ADGRV1: variants seen among roughly 807,000 people sequenced by gnomAD.
ADGRV1 encodes G-protein coupled receptor 98.
In ADGRV1, 359 loss-of-function variants were observed where a neutral mutation model predicts 596.2. The ratio of observed to expected loss-of-function variants is 0.60; its 90% CI spans 0.55 to 0.66. ADGRV1 has a LOEUF of 0.66. Among genes scored for constraint, ADGRV1 ranks in the 30% least tolerant of loss-of-function variants. The pLI is 0.00. For synonymous variants in ADGRV1, 2,681 were observed against 2,679.2 expected (o/e 1.00, Z -0.02); for missense variants, 7,274 against 7,575.6 (o/e 0.96, Z 1.48).
Position 90,840,948 on chromosome 5 carries a change from A to T in ADGRV1, c.16982A>T (p.Asp5661Val). 6.7e-7 allele frequency: 1 copy of T among 1,493,020 alleles called. No individual in the cohort carries two copies. The highest frequency in any genetic ancestry group is 8.9e-7 in the Non-Finnish European group (1 of 1,118,636). 92.5% of individuals were successfully genotyped at this position (1,493,020 alleles called of 1,614,324 possible). ...ATGAAAGTGGCCACAGAAAACACAGATGAACAACTCAGTGCCATGATGCAT... is the reference window on the plus strand; with the variant it reads ...ATGAAAGTGGCCACAGAAAACACAGTTGAACAACTCAGTGCCATGATGCAT... ...ISMKVATENTDEQLSAMMHLI... is the reference protein window; with the variant it reads ...ISMKVATENTVEQLSAMMHLI... The change falls in exon 78 of 90, where the codon GAT becomes GTT. Residue 5661 changes from aspartate (D) to valine (V), a missense_variant. Around this residue, in one of 5 missense-constraint regions of ADGRV1, gnomAD observed 1,874 missense variants for 1,970.2 expected, o/e 0.95. Coordinates refer to ENST00000405460, the MANE Select transcript of ADGRV1 (RefSeq NM_032119.4).
chr5:91,132,547 T>TAAAATAATCACACAAATATTGTTATA (rs1228746916), intron 87 of ADGRV1, among the ~76,000 whole-genome samples: 1 of 152,196 alleles, frequency 6.6e-6, no homozygotes, highest in East Asian at 1.9e-4. Context: ...AAGATTTGAA[T>TAAAATAATCACACAAATATTGTTATA]AAAATAATCA....
intron 84 of ADGRV1, among the ~76,000 whole-genome samples, chr5:90,983,078 CT>C (rs1334345907): frequency 1.3e-5 from 2 of 152,288 alleles, no homozygotes; most frequent in South Asian, 2.1e-4. Context: ...GGAAATACTT[CT>C]CTAGAGTATA....
rs116431828 is a variant in ADGRV1 at position 91,130,157 on chromosome 5, T to C, written c.18433-19873T>C. 4.4e-3 allele frequency among the ~76,000 whole-genome samples: 662 copies of C among 151,656 alleles called. 7 individuals carry two copies. Among genetic ancestry groups the C allele is most frequent in the African/African-American group, 0.015 (640 of 41,348 alleles). On this transcript the variant is annotated intron_variant, in intron 87 of 89. Transcript: ENST00000405460. Reference sequence around the variant, plus strand: ...GAAAAATTAAATAGGAAAAAAGGGATATTTCCATTCAGCTAAAGTCATCTG... The same window carrying C: ...GAAAAATTAAATAGGAAAAAAGGGACATTTCCATTCAGCTAAAGTCATCTG...
chr5:91,027,927 T>A (rs1784148553), intron 85 of ADGRV1, among the ~76,000 whole-genome samples: 1 of 152,158 alleles, frequency 6.6e-6, no homozygotes. Flanking sequence ...GACTTTCTTT[T>A]GTTGCTAAGG....
chr5:90,852,644 C>G (rs918684274), intron 79 of ADGRV1, among the ~76,000 whole-genome samples: 1 of 152,196 alleles, frequency 6.6e-6, no homozygotes, highest in Non-Finnish European at 1.5e-5. Flanking sequence ...TTAAAGCAAA[C>G]TTCCAAGTAA....
rs1168719263 is a variant in ADGRV1, at chr5:90,985,338, C to T, written c.17974-6C>T. On this transcript the variant is annotated splice_region_variant and splice_polypyrimidine_tract_variant and intron_variant, in intron 84 of 89. Coordinates refer to ENST00000405460, the MANE Select transcript of ADGRV1 (RefSeq NM_032119.4). The stretch of plus-strand genomic sequence containing the variant: ...CCTGTTCATTTTATGTTGTTTTCTT[C>T]CTTAGTCTGTGAATTTCTGGTACGT... The T allele has an allele frequency of 6.3e-7, 1 of 1,596,554 alleles. No individual in the cohort carries two copies. The highest frequency in any genetic ancestry group is 2.2e-5 in the East Asian group (1 of 44,638).
chr5:90,617,648 T>G (rs1056089199), intron 2 of ADGRV1, 156 bp from the exon 3 acceptor site: 2 of 601,162 alleles, frequency 3.3e-6, no homozygotes, highest in South Asian at 4.9e-5. Context: ...TTTTTTCAGT[T>G]GTTAAATATT....
Position 90,823,306 on chromosome 5 carries a change from G to GA in ADGRV1, c.16197-118dup, listed in dbSNP as rs146689602. The GA allele has an allele frequency of 0.016, 15,856 of 1,008,632 alleles. 230 individuals carry two copies. The highest frequency in any genetic ancestry group is 0.047 in the Middle Eastern group (198 of 4,232). The allele number at this position is 1,008,632 out of a possible 1,614,324, so 62.5% of individuals were successfully genotyped here. ...GTGGTAAAGTAAGTGCTATACTTTG[G>GA]ATGAAGAGGTACCATTTGGTATACT... On this transcript the variant is annotated intron_variant, in intron 75 of 89. Transcript: ENST00000405460.
chr5:90,990,960 A>C (rs1312916076), intron 85 of ADGRV1, among the ~76,000 whole-genome samples: 1 of 151,898 alleles, frequency 6.6e-6, no homozygotes, highest in Non-Finnish European at 1.5e-5. Flanking sequence ...TAGGGAGGGG[A>C]AAAGAGAATA....
At chr5:90,881,367 T>C (rs548525777) in intron 83 of ADGRV1, among the ~76,000 whole-genome samples, 1 of 152,348 alleles carries the variant, frequency 6.6e-6, no homozygotes, top group East Asian at 1.9e-4. Flanking sequence ...TATGACCCTG[T>C]TAGCTTGACA....
intron 89 of ADGRV1, among the ~76,000 whole-genome samples, chr5:91,155,289 A>C (rs942635693): frequency 2.0e-5 from 3 of 152,176 alleles, no homozygotes; most frequent in African/African-American, 7.2e-5. Flanking sequence ...GAATGGAGGA[A>C]AGGGCATTAG....
intron 83 of ADGRV1, among the ~76,000 whole-genome samples, chr5:90,902,990 T>C (rs1474514867): frequency 6.6e-6 from 1 of 152,152 alleles, no homozygotes; most frequent in Non-Finnish European, 1.5e-5. Context: ...AAAATTGACA[T>C]CTTATGGTAG....
chr5:90,645,960 T>A lies in ADGRV1; in HGVS notation c.2899-8T>A, dbSNP rs762847553. On this transcript the variant is annotated splice_polypyrimidine_tract_variant and splice_region_variant and intron_variant, in intron 15 of 89. Coordinates refer to ENST00000405460, the MANE Select transcript of ADGRV1 (RefSeq NM_032119.4). ...CACCTGACTTAAAACGTGTAACATTTTCCAAAGATTCCAGAAGAAATGGAA... is the reference window on the plus strand; with the variant it reads ...CACCTGACTTAAAACGTGTAACATTATCCAAAGATTCCAGAAGAAATGGAA... The A allele has an allele frequency of 6.3e-7, 1 of 1,579,690 alleles. No homozygotes were observed. The highest frequency in any genetic ancestry group is 1.8e-5 in the Admixed American group (1 of 56,936).
chr5:90,797,967 GAGAA>G (rs1366078120), intron 70 of ADGRV1, among the ~76,000 whole-genome samples: 3 of 152,104 alleles, frequency 2.0e-5, no homozygotes, highest in African/African-American at 7.2e-5. Flanking sequence ...ATGCCCACAA[GAGAA>G]AGCAGGAAAG....
intron 83 of ADGRV1, among the ~76,000 whole-genome samples, chr5:90,895,050 TA>T (rs1282230532): frequency 3.3e-5 from 5 of 152,150 alleles, no homozygotes; most frequent in African/African-American, 9.7e-5. Context: ...CACCTCAGCC[TA>T]CTGAGCAGCT....
chr5:90,778,828 A>G, intron 63 of ADGRV1, 37 bp from the exon 64 acceptor site: 1 of 1,530,780 alleles, frequency 6.5e-7, no homozygotes, highest in Non-Finnish European at 9.0e-7. Context: ...TGGTAGATTA[A>G]ACATCCAAAT....
At chr5:90,840,325 G>T (rs985791170) in intron 77 of ADGRV1, among the ~76,000 whole-genome samples, 2 of 152,112 alleles carry the variant, frequency 1.3e-5, no homozygotes, top group African/African-American at 4.8e-5. Flanking sequence ...GACATTTCTG[G>T]TCTAATTTGC....
chr5:90,913,313 T>C (rs1331515274), intron 83 of ADGRV1, among the ~76,000 whole-genome samples: 1 of 152,218 alleles, frequency 6.6e-6, no homozygotes, highest in Non-Finnish European at 1.5e-5. Context: ...TCAACACTTT[T>C]ATGAATTTCA....
intron 52 of ADGRV1, among the ~76,000 whole-genome samples, chr5:90,748,997 A>G (rs189761774): frequency 2.0e-5 from 3 of 152,162 alleles, no homozygotes; most frequent in East Asian, 3.9e-4. Flanking sequence ...ATACAACTCT[A>G]TAGGGCAGAG....
Sources: allele counts gnomAD v4.1 joint callset (sites outside exome capture counted in the v4.1 genomes callset), GRCh38; gene constraint gnomAD v4.1.1; regional missense constraint gnomAD v4.1.1; transcripts MANE v1.5; gene names NCBI Gene and HGNC (gene_info 2026-07-23, HGNC 2026-07-21).